Variants in PGPEP1 observed in about 807,000 individuals in gnomAD.
PGPEP1 encodes pyroglutamyl-peptidase I.
In PGPEP1, 15 loss-of-function variants were observed where a neutral mutation model predicts 24.1. The ratio of observed to expected loss-of-function variants is 0.62; its 90% confidence interval spans 0.42 to 0.96. PGPEP1 has a LOEUF of 0.96. PGPEP1 is among the 40% of genes least tolerant of loss of function. PGPEP1 has a pLI of 0.00. For synonymous variants in PGPEP1, 122 were observed against 116.4 expected (o/e 1.05, Z -0.31); for missense variants, 242 against 273.4 (o/e 0.89, Z 0.81).
At chr19:18,348,405 C>T (rs1024713604) in intron 2 of PGPEP1, among the ~76,000 whole-genome samples, 1 of 152,064 alleles carries the variant, frequency 6.6e-6, no homozygotes, top group Non-Finnish European at 1.5e-5. Flanking sequence ...CGAGGCTGCG[C>T]GGCGGGGTCC....
intron 2 of PGPEP1, chr19:18,349,169 T>C: frequency 1.1e-6 from 1 of 890,102 alleles, no homozygotes. Flanking sequence ...CTTGTTTTTT[T>C]GTTTGTTTGT....
chr19:18,349,627 T>A (rs1970964369), intron 2 of PGPEP1, among the ~76,000 whole-genome samples: 1 of 152,220 alleles, frequency 6.6e-6, no homozygotes, highest in African/African-American at 2.4e-5. Context: ...TGTAAAACAC[T>A]GAAATGGTTT....
chr19:18,342,925 G>A lies in PGPEP1; in HGVS notation c.87+14G>A, dbSNP rs746946836. 29 of 1,605,068 alleles carry A rather than the reference G, an allele frequency of 1.8e-5. No individual in the cohort carries two copies. The highest frequency in any genetic ancestry group is 8.8e-5 in the South Asian group (8 of 90,910). ...ATTGCAGTTCAGGTAACTTAGATCCGGAGGGTGGGAGTCAGGCTTGGAGCT... is the reference window on the plus strand; with the variant it reads ...ATTGCAGTTCAGGTAACTTAGATCCAGAGGGTGGGAGTCAGGCTTGGAGCT... On this transcript the variant is annotated intron_variant, in intron 2 of 4. Coordinates refer to ENST00000269919, the MANE Select transcript of PGPEP1 (RefSeq NM_017712.4).
chr19:18,346,503 CCTCTGGGTCTCT>C (rs1297995002), intron 2 of PGPEP1, among the ~76,000 whole-genome samples: 2 of 152,052 alleles, frequency 1.3e-5, no homozygotes, highest in African/African-American at 4.8e-5. Context: ...CCTCTTGCTC[CCTCTGGGTCTCT>C]CTCTGTCTCT....
intron 4 of PGPEP1, among the ~76,000 whole-genome samples, chr19:18,359,578 G>A (rs1971284587): frequency 6.6e-6 from 1 of 150,916 alleles, no homozygotes; most frequent in Non-Finnish European, 1.5e-5. Context: ...CGCGATCTTG[G>A]CTCACTGCAA....
chr19:18,348,996 CAA>C, intron 2 of PGPEP1: 2 of 489,772 alleles, frequency 4.1e-6, no homozygotes, highest in Non-Finnish European at 5.3e-6. Flanking sequence ...CTTCCGGGCT[CAA>C]ATGATCCTTC....
chr19:18,363,067 G>GTGTGTGTT (rs747177888), intron 4 of PGPEP1, among the ~76,000 whole-genome samples: 22 of 146,744 alleles, frequency 1.5e-4, no homozygotes, highest in Admixed American at 7.5e-4. Flanking sequence ...GTGTGTGTGT[G>GTGTGTGTT]TTTTAAAGAG....
At chr19:18,361,881 G>T (rs558942008) in intron 4 of PGPEP1, 7 of 985,064 alleles carry the variant, frequency 7.1e-6, no homozygotes, top group Non-Finnish European at 7.2e-6. Context: ...ATTTGTGAGC[G>T]TTCAACATGC....
rs186914575 is a variant in PGPEP1, at chr19:18,352,154, C to T, written c.88-3741C>T. On this transcript the variant is annotated intron_variant, in intron 2 of 4. Transcript: ENST00000269919. ...GGGCATGCTGGTGGGTGCCTGTAGT[C>T]CCAGCTACTCCGGAGGCTGAGGCAG... Among the ~76,000 whole-genome samples, 20 of 150,698 alleles carry T rather than the reference C, an allele frequency of 1.3e-4. No homozygotes were observed. The East Asian group carries it at 3.5e-3, about 27-fold the overall frequency.
At chr19:18,358,889 T>C (rs1447907438) in intron 4 of PGPEP1, among the ~76,000 whole-genome samples, 1 of 152,178 alleles carries the variant, frequency 6.6e-6, no homozygotes, top group Non-Finnish European at 1.5e-5. Flanking sequence ...GTGCTGGGAT[T>C]ATAGGCATGA....
chr19:18,362,970 T>C (rs4808127), intron 4 of PGPEP1, among the ~76,000 whole-genome samples: 140,867 of 151,914 alleles, frequency 0.93, 65,499 homozygotes, highest in South Asian at 0.98. Context: ...CCACCAGCAA[T>C]AGCTCACTCT....
At chr19:18,346,802 A>G (rs1482658559) in intron 2 of PGPEP1, among the ~76,000 whole-genome samples, 2 of 151,444 alleles carry the variant, frequency 1.3e-5, no homozygotes, top group Non-Finnish European at 2.9e-5. Context: ...CACCACGCCC[A>G]GCTAATTTTG....
In PGPEP1 at chr19:18,368,950, T is replaced by G. The variant is rs560943354; in HGVS notation, c.*5367T>G. The G allele has an allele frequency of 6.6e-6, 1 of 152,346 alleles. No homozygotes were observed. Among genetic ancestry groups the G allele is most frequent in the African/African-American group, 2.4e-5 (1 of 41,554 alleles). The allele number at this position is 152,346 out of a possible 1,614,324, so 9.4% of individuals were successfully genotyped here. A position where few individuals can be genotyped will look rare whatever the true frequency, so the allele number is the denominator to read the frequency against. ...CTAACTTGAGGGGGCAGGAGAGGGCTTTGTTTTTATAATCCGGATTAAATT... is the reference window on the plus strand; with the variant it reads ...CTAACTTGAGGGGGCAGGAGAGGGCGTTGTTTTTATAATCCGGATTAAATT... On this transcript the variant is annotated 3_prime_UTR_variant, in exon 5 of 5. Coordinates refer to ENST00000269919, the MANE Select transcript of PGPEP1 (RefSeq NM_017712.4).
chr19:18,358,197 GTCT>G (rs1452643259), intron 4 of PGPEP1: 1 of 156,120 alleles, frequency 6.4e-6, no homozygotes, highest in Non-Finnish European at 1.4e-5. Flanking sequence ...TGGCCGTGTG[GTCT>G]TCTTATTAGG....
At position 18,349,396 on chromosome 19, in the gene PGPEP1, A is replaced by G. The variant is rs545153713; in HGVS notation, c.87+6485A>G. 1.2e-4 allele frequency among the ~76,000 whole-genome samples: 18 copies of G among 151,938 alleles called. No homozygotes were observed. The South Asian group carries it at 3.3e-3, about 28-fold the overall frequency. On this transcript the variant is annotated intron_variant, in intron 2 of 4. Coordinates refer to ENST00000269919, the MANE Select transcript of PGPEP1 (RefSeq NM_017712.4). ...GGCTGATCTTGAACTCCTGGCCTCA[A>G]GCAATCCTCCTGCCTCAGCCTCCCA...
At chr19:18,359,971 G>A (rs140531799) in intron 4 of PGPEP1, among the ~76,000 whole-genome samples, 3 of 152,260 alleles carry the variant, frequency 2.0e-5, no homozygotes, top group East Asian at 3.9e-4. Context: ...CAATGCAGTT[G>A]AGTAGCTGAA....
At chr19:18,362,339 G>A (rs969932205) in intron 4 of PGPEP1, among the ~76,000 whole-genome samples, 7 of 149,766 alleles carry the variant, frequency 4.7e-5, no homozygotes, top group African/African-American at 1.5e-4. Flanking sequence ...CCCGGGAGGC[G>A]AAGGTTGGAG....
chr19:18,347,987 A>G (rs1167779986), intron 2 of PGPEP1, among the ~76,000 whole-genome samples: 1 of 152,058 alleles, frequency 6.6e-6, no homozygotes, highest in African/African-American at 2.4e-5. Context: ...TCATGCCCAC[A>G]GCATAGGTGG....
Position 18,362,334 on chromosome 19 carries a change from G to T in PGPEP1, c.438-1057G>T, listed in dbSNP as rs180744545. ...AGGCAGGAGAATCGCTTGAACCCGGGAGGCGAAGGTTGGAGTGAGCCAAGA... is the reference window on the plus strand; with the variant it reads ...AGGCAGGAGAATCGCTTGAACCCGGTAGGCGAAGGTTGGAGTGAGCCAAGA... On this transcript the variant is annotated intron_variant, in intron 4 of 4. Coordinates refer to ENST00000269919, the MANE Select transcript of PGPEP1 (RefSeq NM_017712.4). Among the ~76,000 whole-genome samples the T allele has an allele frequency of 7.0e-3, 1,068 of 152,084 alleles. 5 individuals are homozygous for T. Among genetic ancestry groups the T allele is most frequent in the Non-Finnish European group, 0.012 (839 of 67,990 alleles).
Sources: allele counts gnomAD v4.1 joint callset (sites outside exome capture counted in the v4.1 genomes callset), GRCh38; gene constraint gnomAD v4.1.1; transcripts MANE v1.5; gene names NCBI Gene and HGNC (gene_info 2026-07-23, HGNC 2026-07-21).